PDCD10: variants seen among roughly 807,000 people sequenced by gnomAD.
The protein encoded by PDCD10 is programmed cell death 10.
In PDCD10, 4 loss-of-function variants were observed where a neutral mutation model predicts 29.2. The ratio of observed to expected loss-of-function variants is 0.14; its 90% CI spans 0.07 to 0.31. PDCD10 has a LOEUF of 0.31. Ranked by LOEUF, PDCD10 falls within the 10% of genes least tolerant of loss-of-function variation. The pLI is 1.00. For synonymous variants in PDCD10, 70 were observed against 82.2 expected, an observed-to-expected ratio of 0.85 and a Z score of 0.80; for missense variants, 183 against 257.9, an observed-to-expected ratio of 0.71 and a Z score of 1.99.
At chr3:167,719,533 C>T (rs1052523976) in intron 3 of PDCD10, among the ~76,000 whole-genome samples, 12 of 152,204 alleles carry the variant, frequency 7.9e-5, no homozygotes, top group African/African-American at 2.9e-4. Flanking sequence ...ACTACATCTT[C>T]TCCAGATACA....
chr3:167,691,469 T>C (rs751163595), intron 6 of PDCD10, among the ~76,000 whole-genome samples: 5 of 152,216 alleles, frequency 3.3e-5, no homozygotes, highest in African/African-American at 9.6e-5. Context: ...TCAATGACTA[T>C]AGACAAGACT....
chr3:167,688,964 A>AT (rs1719939150), intron 6 of PDCD10, among the ~76,000 whole-genome samples: 1 of 152,164 alleles, frequency 6.6e-6, no homozygotes. Flanking sequence ...GAATTTTGAT[A>AT]TTTTTTAAAA....
intron 2 of PDCD10, among the ~76,000 whole-genome samples, chr3:167,732,080 G>C (rs970825915): frequency 6.6e-6 from 1 of 152,096 alleles, no homozygotes; most frequent in Non-Finnish European, 1.5e-5. Context: ...AGAGTAAGAA[G>C]GTAATAGTAT....
intron 2 of PDCD10, among the ~76,000 whole-genome samples, chr3:167,728,643 A>G (rs1326981674): frequency 1.3e-5 from 2 of 152,242 alleles, no homozygotes; most frequent in African/African-American, 4.8e-5. Context: ...TGTCCATACA[A>G]TGGTCTTTCA....
chr3:167,684,484 G>C (rs879063662), intron 8 of PDCD10, 95 bp from the exon 9 acceptor site: 1 of 517,354 alleles, frequency 1.9e-6, no homozygotes. Context: ...ATCAATTTTA[G>C]AAAAAAAAAA....
rs769106959 is a variant in PDCD10, at chr3:167,687,237, C to T, written c.554G>A (p.Gly185Asp). ...SDTLKTYFKD[G>D]KAINVFVSAN... ...AAGGATAAATTACAGTACTTACTTG[C>T]CATCTTTAAAATACGTTTTCAGAGT... Residue 185 changes from glycine to aspartate, a missense_variant, in exon 8 of 9, where the codon GGC (glycine) becomes GAC (aspartate). Gly to Asp is a moderately conservative substitution (Grantham distance 94, BLOSUM62 -1). Coordinates refer to ENST00000392750, the MANE Select transcript of PDCD10 (RefSeq NM_007217.4). 2 of 1,433,892 alleles carry T rather than the reference C, an allele frequency of 1.4e-6. No individual in the cohort carries two copies. Among genetic ancestry groups the T allele is most frequent in the East Asian group, 2.3e-5 (1 of 43,928 alleles). 88.8% of individuals were successfully genotyped at this position (1,433,892 alleles called of 1,614,324 possible). A position where few individuals can be genotyped will look rare whatever the true frequency, so the allele number is the denominator to read the frequency against.
At chr3:167,708,370 T>TG (rs543738647) in intron 3 of PDCD10, among the ~76,000 whole-genome samples, 2 of 152,276 alleles carry the variant, frequency 1.3e-5, no homozygotes, top group African/African-American at 4.8e-5. Flanking sequence ...TTGTTGTTGT[T>TG]TGTTTTAAAG....
chr3:167,704,172 T>C (rs996239687), intron 4 of PDCD10, among the ~76,000 whole-genome samples: 2 of 152,244 alleles, frequency 1.3e-5, no homozygotes, highest in African/African-American at 4.8e-5. Context: ...ACTCATGTTC[T>C]ATAATTAAAC....
At chr3:167,731,116 A>G (rs1212484061) in intron 2 of PDCD10, 1 of 152,214 alleles carries the variant, frequency 6.6e-6, no homozygotes, top group Non-Finnish European at 1.5e-5. Flanking sequence ...TTTTAGTTTA[A>G]TAAGTAAATT....
At chr3:167,705,112 C>T (rs751046134) in intron 3 of PDCD10, among the ~76,000 whole-genome samples, 8 of 151,684 alleles carry the variant, frequency 5.3e-5, no homozygotes, top group Admixed American at 1.3e-4. Flanking sequence ...TAAAAGCAAC[C>T]CATATGCTTT....
At chr3:167,696,573 A>G (rs907105033) in intron 5 of PDCD10, among the ~76,000 whole-genome samples, 2 of 152,236 alleles carry the variant, frequency 1.3e-5, no homozygotes, top group Admixed American at 6.5e-5. Flanking sequence ...TAAGAAAAGT[A>G]AAAAGGATGG....
intron 3 of PDCD10, among the ~76,000 whole-genome samples, chr3:167,717,696 A>C (rs1251646864): frequency 2.0e-5 from 3 of 152,026 alleles, no homozygotes; most frequent in Non-Finnish European, 4.4e-5. Flanking sequence ...CTCCCAATTC[A>C]AGCCCTAAAT....
intron 6 of PDCD10, among the ~76,000 whole-genome samples, chr3:167,692,867 G>A (rs973817977): frequency 7.9e-5 from 12 of 152,220 alleles, no homozygotes; most frequent in African/African-American, 2.4e-4. Flanking sequence ...GCAGTGAGCC[G>A]AGATGGCGCC....
rs1553758161 is a variant in PDCD10, at chr3:167,683,866, T to TATATAC, written c.*441_*442insGTATAT. 1 of 137,094 alleles carries TATATAC rather than the reference T, an allele frequency of 7.3e-6. No individual in the cohort carries two copies. The highest frequency in any genetic ancestry group is 1.5e-5 in the Non-Finnish European group (1 of 64,540). 8.5% of individuals were successfully genotyped at this position (137,094 alleles called of 1,614,324 possible). A position where few individuals can be genotyped will look rare whatever the true frequency, so the allele number is the denominator to read the frequency against. ...ATATATATATATATATATATATATA[T>TATATAC]ACACACATATATATATGCATTTTTT... On this transcript the variant is annotated 3_prime_UTR_variant, in exon 9 of 9. Coordinates refer to ENST00000392750, the MANE Select transcript of PDCD10 (RefSeq NM_007217.4).
In PDCD10 at chr3:167,690,054, G is replaced by GA. The variant is rs573678363; in HGVS notation, c.396-2362dup. ...GACAATTAACCAGATAAAGAACTGAGAAAAAACTTGAGGGTAAAATAAATA... is the reference window on the plus strand; with the variant it reads ...GACAATTAACCAGATAAAGAACTGAGAAAAAAACTTGAGGGTAAAATAAATA... On this transcript the variant is annotated intron_variant, in intron 6 of 8. Coordinates refer to ENST00000392750, the MANE Select transcript of PDCD10 (RefSeq NM_007217.4). 4.0e-4 allele frequency among the ~76,000 whole-genome samples: 61 copies of GA among 152,248 alleles called. No homozygotes were observed. In the South Asian group the frequency reaches 0.013, roughly 32 times the overall value.
At chr3:167,698,200 G>A (rs1460426471) in intron 4 of PDCD10, among the ~76,000 whole-genome samples, 2 of 152,118 alleles carry the variant, frequency 1.3e-5, no homozygotes, top group Admixed American at 1.3e-4. Context: ...GGGATGAAAT[G>A]AGAAAAGAAA....
At chr3:167,685,790 A>G (rs1462520603) in intron 8 of PDCD10, among the ~76,000 whole-genome samples, 1 of 152,214 alleles carries the variant, frequency 6.6e-6, no homozygotes, top group Non-Finnish European at 1.5e-5. Flanking sequence ...CATAAATCAA[A>G]TAAAAGTTTA....
At chr3:167,730,098 T>C (rs929698827) in intron 2 of PDCD10, among the ~76,000 whole-genome samples, 7 of 152,088 alleles carry the variant, frequency 4.6e-5, no homozygotes, top group East Asian at 1.9e-4. Flanking sequence ...AATGACAAAA[T>C]TGAAATTACC....
intron 3 of PDCD10, among the ~76,000 whole-genome samples, chr3:167,706,063 G>A (rs545766453): frequency 4.6e-5 from 7 of 152,264 alleles, no homozygotes; most frequent in East Asian, 3.9e-4. Flanking sequence ...AAGTATCAGC[G>A]TTATTAGTTC....
Sources: gnomAD v4.1 joint callset for allele counts (sites outside exome capture counted in the v4.1 genomes callset) on GRCh38, gnomAD v4.1.1 for gene constraint, MANE v1.5 for transcripts, NCBI Gene and HGNC (gene_info 2026-07-23, HGNC 2026-07-21) for gene names.